Variants in MUC5B observed in about 807,000 individuals in gnomAD.
MUC5B encodes mucin 5B, oligomeric mucus/gel-forming.
Under a neutral mutation model 376.9 loss-of-function variants are expected in MUC5B, and 116 were observed. The observed-to-expected ratio is 0.31, with a 90% CI of 0.26 to 0.36. The LOEUF is 0.36. MUC5B is among the 10% of genes least tolerant of loss of function. The probability of loss-of-function intolerance (pLI) is 1.00; values close to 1 mark genes in which losing one functional copy is unlikely to be tolerated. For synonymous variants in MUC5B, 3,517 were observed against 3,390.9 expected, an observed-to-expected ratio of 1.04 and a Z score of -1.29; for missense variants, 7,165 against 7,769.9, an observed-to-expected ratio of 0.92 and a Z score of 2.93.
At chr11:1,260,853 G>A in intron 48 of MUC5B, 125 bp downstream of exon 48, 2 of 705,920 alleles carry the variant, frequency 2.8e-6, no homozygotes, top group Non-Finnish European at 4.9e-6. Context: ...AGGAGGGAAG[G>A]GGCTCCCCAG....
At position 1,246,472 on chromosome 11, in the gene MUC5B, A is replaced by C. The variant is rs1331048534; in HGVS notation, c.9592A>C (p.Ser3198Arg). Residue 3198 changes from serine to arginine, a missense_variant, in exon 31 of 49, where the codon AGC (serine) becomes CGC (arginine). Transcript: ENST00000529681. ...TGCTGGCACCCTCAAAGTGCTGACC[A>C]GCACGGCCACCACACCCACAGTCAT... Reference protein sequence around the residue: ...ATAGTLKVLTSTATTPTVISS... With the variant: ...ATAGTLKVLTRTATTPTVISS... 1.9e-6 allele frequency: 3 copies of C among 1,613,348 alleles called. No individual in the cohort carries two copies. In the African/African-American group the frequency reaches 4.0e-5, roughly 22 times the overall value.
At chr11:1,231,656 G>A in intron 14 of MUC5B, 96 bp downstream of exon 14, 1 of 1,404,058 alleles carries the variant, frequency 7.1e-7, no homozygotes. Flanking sequence ...GGCGGGCAGG[G>A]GACCGGGGAG....
chr11:1,253,115 G>C lies in MUC5B; in HGVS notation c.15217+135G>C, dbSNP rs1242334352. 3 of 905,664 alleles carry C rather than the reference G, an allele frequency of 3.3e-6. No homozygotes were observed. The African/African-American group carries it at 5.0e-5, about 15-fold the overall frequency. 56.1% of individuals were successfully genotyped at this position (905,664 alleles called of 1,614,324 possible). A position where few individuals can be genotyped will look rare whatever the true frequency, so the allele number is the denominator to read the frequency against. ...GAATGGTGGGGCATGGTGGGGCATG[G>C]TGGGGTGCAGTGGGGCATGGTGGGG... On this transcript the variant is annotated intron_variant, in intron 33 of 48. Transcript: ENST00000529681. The surrounding 1 kb of genome is among the most constrained non-coding windows in gnomAD (Gnocchi z 4.3).
rs1862111542 is a variant in MUC5B at position 1,234,514 on chromosome 11, G to A, written c.2479-15G>A. The A allele has an allele frequency of 6.4e-7, 1 of 1,571,636 alleles. No homozygotes were observed. Among genetic ancestry groups the A allele is most frequent in the Non-Finnish European group, 8.6e-7 (1 of 1,159,368 alleles). On this transcript the variant is annotated splice_polypyrimidine_tract_variant and intron_variant, in intron 20 of 48. Transcript: ENST00000529681. The surrounding 1 kb of genome is among the most constrained non-coding windows in gnomAD (Gnocchi z 6.3). ...TGGTGTCCAGCCCTGACCGGTACCT[G>A]CCTGGGCCCCACAGTTCAGCACACA... is the stretch of plus-strand genomic sequence containing the variant.
At position 1,234,585 on chromosome 11, in the gene MUC5B, G is replaced by A. The variant is rs1249154101; in HGVS notation, c.2535G>A (p.Gly845=). The A allele has an allele frequency of 2.5e-6, 4 of 1,577,380 alleles. No individual in the cohort carries two copies. The Admixed American group carries it at 5.5e-5, about 22-fold the overall frequency. ...GTCCCCCGGGGCTGGTGTCGGATGG[G>A]AGTGGGGGCTGCATTGCCGAGGAGG... ...CVCPPGLVSD[G]SGGCIAEEDC... Residue 845 remains glycine (G), a synonymous_variant, in exon 21 of 49, where the codon GGG becomes GGA. Coordinates refer to ENST00000529681, the MANE Select transcript of MUC5B (RefSeq NM_002458.3). The surrounding 1 kb of genome is among the most constrained non-coding windows in gnomAD (Gnocchi z 6.3).
Position 1,240,037 on chromosome 11 carries a change from AC to A in MUC5B, c.3729-4del. 1 of 1,580,034 alleles carries A rather than the reference AC, an allele frequency of 6.3e-7. No homozygotes were observed. The highest frequency in any genetic ancestry group is 8.6e-7 in the Non-Finnish European group (1 of 1,162,722). On this transcript the variant is annotated splice_region_variant and splice_polypyrimidine_tract_variant and intron_variant, in intron 28 of 48. Coordinates refer to ENST00000529681, the MANE Select transcript of MUC5B (RefSeq NM_002458.3). ...CAGGCCCTCAGCTCGCCTCTCCCCC[AC>A]CCCTAGTAACTGCACACCCAGTGGC...
rs540339910 is a variant in MUC5B at position 1,241,497 on chromosome 11, C to G, written c.4617C>G (p.His1539Gln). 1.9e-5 allele frequency: 30 copies of G among 1,613,684 alleles called. No homozygotes were observed. The African/African-American group carries it at 3.1e-4, about 16-fold the overall frequency. ...ATAAGATCAGGGCCGCTGGAGGGCA[C>G]TTATGCCAGCAGCCTAAGGACATAG... is the stretch of plus-strand genomic sequence containing the variant. Reference protein sequence around the residue: ...SYDKIRAAGGHLCQQPKDIEC... With the variant: ...SYDKIRAAGGQLCQQPKDIEC... The change falls in exon 31 of 49, where the codon CAC (histidine) becomes CAG (glutamine). Residue 1539 changes from histidine (H) to glutamine (Q), a missense_variant. By Grantham distance (24) the His-to-Gln change is conservative (BLOSUM62 0). Coordinates refer to ENST00000529681, the MANE Select transcript of MUC5B (RefSeq NM_002458.3).
At position 1,257,231 on chromosome 11, in the gene MUC5B, T is replaced by A. The variant is rs1213968480; in HGVS notation, c.16238-9T>A. The A allele has an allele frequency of 5.1e-6, 4 of 779,638 alleles. No individual in the cohort carries two copies. The highest frequency in any genetic ancestry group is 5.1e-5 in the African/African-American group (3 of 59,158). The allele number at this position is 779,638 out of a possible 1,614,324, so 48.3% of individuals were successfully genotyped here. A position where few individuals can be genotyped will look rare whatever the true frequency, so the allele number is the denominator to read the frequency against. On this transcript the variant is annotated splice_polypyrimidine_tract_variant and intron_variant, in intron 39 of 48. Coordinates refer to ENST00000529681, the MANE Select transcript of MUC5B (RefSeq NM_002458.3). The surrounding 1 kb of genome is among the most constrained non-coding windows in gnomAD (Gnocchi z 8.9). The stretch of plus-strand genomic sequence containing the variant: ...CACCCTCCGTGATGCCATGCTGTTT[T>A]CTTTCCAGCCTGCGTGGGACCCGAT...
chr11:1,246,740 C>T lies in MUC5B; in HGVS notation c.9860C>T (p.Thr3287Ile), dbSNP rs1564944487. 2.5e-6 allele frequency: 4 copies of T among 1,608,756 alleles called. No homozygotes were observed. The East Asian group carries it at 8.9e-5, about 36-fold the overall frequency. The change falls in exon 31 of 49, where the codon ACC (threonine) becomes ATC (isoleucine). Residue 3287 changes from threonine (T) to isoleucine (I), a missense_variant. Around this residue, in one of 31 missense-constraint regions of MUC5B, gnomAD observed 939 missense variants for 770.6 expected, o/e 1.22. Transcript: ENST00000529681. ...STVLTTTTTT[T>I]RATGSVATPS... Reference sequence around the variant, plus strand: ...GTGCTTACCACCACGACCACCACAACCAGGGCCACCGGCTCTGTGGCCACC... The same window carrying T: ...GTGCTTACCACCACGACCACCACAATCAGGGCCACCGGCTCTGTGGCCACC...
At chr11:1,223,217 C>T (rs1312501176) in intron 1 of MUC5B, 24 bp downstream of exon 1, 3 of 709,242 alleles carry the variant, frequency 4.2e-6, no homozygotes, top group Admixed American at 2.0e-5. Context: ...ACTCCGCCCC[C>T]TCTCGATGCT....
At position 1,242,616 on chromosome 11, in the gene MUC5B, A is replaced by C; in HGVS notation, c.5736A>C (p.Thr1912=). ...GTTWILTKPT[T]TATTTASTGS... is the part of the protein sequence containing the mutation. ...CCTGGATCCTCACAAAGCCGACCAC[A>C]ACAGCCACTACGACTGCGTCCACTG... Residue 1912 remains threonine, a synonymous_variant, in exon 31 of 49, where the codon ACA becomes ACC. Coordinates refer to ENST00000529681, the MANE Select transcript of MUC5B (RefSeq NM_002458.3). 12 of 1,612,632 alleles carry C rather than the reference A, an allele frequency of 7.4e-6. No homozygotes were observed. Among genetic ancestry groups the C allele is most frequent in the Non-Finnish European group, 1.0e-5 (12 of 1,179,502 alleles).
At chr11:1,260,189 G>A (rs539439174) in intron 46 of MUC5B, 104 bp downstream of exon 46, 3 of 1,391,816 alleles carry the variant, frequency 2.2e-6, no homozygotes, top group Non-Finnish European at 2.9e-6. Context: ...CACCCCTGCT[G>A]GGGAGGCCCC....
Position 1,241,123 on chromosome 11 carries a change from C to A in MUC5B, c.4243C>A (p.Pro1415Thr). 6.2e-7 allele frequency: 1 copy of A among 1,611,936 alleles called. No individual in the cohort carries two copies. Among genetic ancestry groups the A allele is most frequent in the Non-Finnish European group, 8.5e-7 (1 of 1,179,250 alleles). The part of the protein sequence containing the change: ...LMCANSQQSP[P>T]LCHDYELRVL... ...GTGCGCCAACAGCCAACAGAGTCCC[C>A]CGCTCTGTCACGACTACGAGCTGCG... is the stretch of plus-strand genomic sequence containing the variant. The change falls in exon 31 of 49, where the codon CCG (proline) becomes ACG (threonine). Residue 1415 changes from proline (P) to threonine (T), a missense_variant. Pro to Thr is a conservative substitution (Grantham distance 38). This residue lies in a region of MUC5B where 517 missense variants were observed against 545.3 expected (regional missense o/e 0.95). Transcript: ENST00000529681.
At chr11:1,226,953 G>C in intron 4 of MUC5B, 77 bp downstream of exon 4, 1 of 1,575,202 alleles carries the variant, frequency 6.3e-7, no homozygotes, top group Non-Finnish European at 8.6e-7. Flanking sequence ...GTCTGACCTG[G>C]GCCAGGGCTG....
chr11:1,226,825 A>C lies in MUC5B; in HGVS notation c.410A>C (p.Gln137Pro). 6.2e-7 allele frequency: 1 copy of C among 1,610,712 alleles called. No homozygotes were observed. Among genetic ancestry groups the C allele is most frequent in the Non-Finnish European group, 8.5e-7 (1 of 1,179,764 alleles). The change falls in exon 4 of 49, where the codon CAG becomes CCG. Residue 137 changes from glutamine (Q) to proline (P), a missense_variant. Gln to Pro is a moderately conservative substitution (Grantham distance 76). Coordinates refer to ENST00000529681, the MANE Select transcript of MUC5B (RefSeq NM_002458.3). The stretch of plus-strand genomic sequence containing the variant: ...GTCACCCGTGTTGTCATCAAGGCCC[A>C]GGGGCTGGTGCTGGAGGCGTCCAAC... ...PVVTRVVIKA[Q>P]GLVLEASNGS...
intron 1 of MUC5B, among the ~76,000 whole-genome samples, chr11:1,224,762 A>G (rs1861844445): frequency 6.6e-6 from 1 of 152,092 alleles, no homozygotes; most frequent in African/African-American, 2.4e-5. Flanking sequence ...GGTGGTTCCC[A>G]GATGTCAGCA....
At chr11:1,236,267 G>A in intron 23 of MUC5B, 119 bp from the exon 24 acceptor site, 2 of 991,842 alleles carry the variant, frequency 2.0e-6, no homozygotes, top group East Asian at 5.4e-5. Flanking sequence ...CCTAACGCCA[G>A]CCGCTTGTGC....
Position 1,234,156 on chromosome 11 carries a change from G to T in MUC5B, c.2378-49G>T. 1 of 1,460,970 alleles carries T rather than the reference G, an allele frequency of 6.8e-7. No homozygotes were observed. The highest frequency in any genetic ancestry group is 9.4e-7 in the Non-Finnish European group (1 of 1,064,398). 90.5% of individuals were successfully genotyped at this position (1,460,970 alleles called of 1,614,324 possible). On this transcript the variant is annotated intron_variant, in intron 19 of 48. Transcript: ENST00000529681. This position sits in a 1 kb window ranked among gnomAD's most constrained non-coding sequence, Gnocchi z 6.3. ...CAGGGCTGCCTGGGGTCAGTTGAGG[G>T]CCGTGGCTGCCCTTCCCCAGGACCC... is the stretch of plus-strand genomic sequence containing the variant.
chr11:1,261,322 C>A, intron 48 of MUC5B, 67 bp from the exon 49 acceptor site: 1 of 1,409,896 alleles, frequency 7.1e-7, no homozygotes, highest in Non-Finnish European at 9.6e-7. Flanking sequence ...GCCCATGTGT[C>A]ACCATGGCTG....
Sources: allele counts gnomAD v4.1 joint callset (sites outside exome capture counted in the v4.1 genomes callset), GRCh38; gene constraint gnomAD v4.1.1; regional missense constraint gnomAD v4.1.1; non-coding constraint Gnocchi (gnomAD v3.1); transcripts MANE v1.5; gene names NCBI Gene and HGNC (gene_info 2026-07-23, HGNC 2026-07-21).